XXYLT1: variants seen among roughly 807,000 people sequenced by gnomAD.
The protein encoded by XXYLT1 is UDP-xylose:alpha-xyloside alpha-1,3-xylosyltransferase.
A neutral mutation model predicts 28.9 loss-of-function variants in XXYLT1; 20 were observed. That is an observed-to-expected ratio of 0.69 (90% CI 0.49 to 1.00). XXYLT1 has a LOEUF of 1.00. XXYLT1 is among the 50% of genes least tolerant of loss of function. XXYLT1 has a pLI of 0.00. For missense variants in XXYLT1, 542 were observed against 560.1 expected (o/e 0.97, Z 0.33); for synonymous variants, 257 against 253.8 (o/e 1.01, Z -0.12).
chr3:195,133,215 C>G lies in XXYLT1; in HGVS notation c.785+23234G>C, dbSNP rs552229758. Reference sequence around the variant, plus strand: ...GCTGAAGCCCCAGGTGCCCCGCCTGCTGAGCAGACAGATGGCTGCAAGTCC... The same window carrying G: ...GCTGAAGCCCCAGGTGCCCCGCCTGGTGAGCAGACAGATGGCTGCAAGTCC... On this transcript the variant is annotated intron_variant, in intron 3 of 3. Transcript: ENST00000310380. This position sits in a 1 kb window ranked among gnomAD's most constrained non-coding sequence, Gnocchi z 4.4. Among the ~76,000 whole-genome samples, 117 of 152,266 alleles carry G rather than the reference C, an allele frequency of 7.7e-4. No individual in the cohort carries two copies. The highest frequency in any genetic ancestry group is 1.5e-3 in the Admixed American group (23 of 15,300).
At chr3:195,138,629 G>A (rs562479906) in intron 3 of XXYLT1, among the ~76,000 whole-genome samples, 2 of 152,212 alleles carry the variant, frequency 1.3e-5, no homozygotes, top group South Asian at 4.2e-4. Flanking sequence ...AGGCCGAGGC[G>A]GGTGGGTCAC....
intron 1 of XXYLT1, among the ~76,000 whole-genome samples, chr3:195,244,513 G>C (rs958582104): frequency 6.6e-6 from 1 of 151,948 alleles, no homozygotes; most frequent in Non-Finnish European, 1.5e-5. Flanking sequence ...TGTAATCCCA[G>C]CACTTTGGGA....
intron 2 of XXYLT1, among the ~76,000 whole-genome samples, chr3:195,187,498 G>A (rs1283987118): frequency 1.3e-5 from 2 of 152,096 alleles, no homozygotes; most frequent in African/African-American, 2.4e-5. Context: ...AGTGCTATGA[G>A]GAGCCCTAAG....
chr3:195,218,605 C>G (rs1252494916), intron 2 of XXYLT1, among the ~76,000 whole-genome samples: 1 of 152,090 alleles, frequency 6.6e-6, no homozygotes, highest in African/African-American at 2.4e-5. Context: ...CAAATCAAAA[C>G]CACAATGAGA....
rs1165297964 is a variant in XXYLT1, at chr3:195,176,745, G to A, written c.653-20164C>T. ...GACTCTAAACATGCAAAAGGCAGAT[G>A]TTTGGGGTTGGAATTGACAATATGA... On this transcript the variant is annotated intron_variant, in intron 2 of 3. Transcript: ENST00000310380. The surrounding 1 kb of genome is among the most constrained non-coding windows in gnomAD (Gnocchi z 4.9). Among the ~76,000 whole-genome samples, 2 of 152,204 alleles carry A rather than the reference G, an allele frequency of 1.3e-5. No homozygotes were observed. The highest frequency in any genetic ancestry group is 2.9e-5 in the Non-Finnish European group (2 of 68,040).
chr3:195,089,311 G>T (rs1481245786), intron 3 of XXYLT1, among the ~76,000 whole-genome samples: 2 of 152,206 alleles, frequency 1.3e-5, no homozygotes, highest in African/African-American at 2.4e-5. Context: ...AAGCCCATCA[G>T]ACTAACAGTG....
intron 2 of XXYLT1, among the ~76,000 whole-genome samples, chr3:195,186,625 C>T (rs1284178569): frequency 6.6e-6 from 1 of 152,116 alleles, no homozygotes; most frequent in East Asian, 1.9e-4. Flanking sequence ...TCCCCCCCCA[C>T]ACACCCTGAA....
intron 1 of XXYLT1, 129 bp from the exon 2 acceptor site, chr3:195,226,985 T>C: frequency 1.7e-6 from 2 of 1,152,064 alleles, no homozygotes; most frequent in Non-Finnish European, 2.4e-6. Context: ...AAGCAGGGGA[T>C]GGGGCTAGGG....
chr3:195,175,465 C>A (rs1721615780), intron 2 of XXYLT1, among the ~76,000 whole-genome samples: 3 of 152,166 alleles, frequency 2.0e-5, no homozygotes, highest in Admixed American at 6.5e-5. Flanking sequence ...TCGGAAAGGG[C>A]ACATTTGGGG....
At chr3:195,166,607 T>C (rs966075126) in intron 2 of XXYLT1, among the ~76,000 whole-genome samples, 2 of 152,200 alleles carry the variant, frequency 1.3e-5, no homozygotes, top group Non-Finnish European at 2.9e-5. Flanking sequence ...ACGTGTTCTA[T>C]CTGAAATGAT....
At chr3:195,171,818 G>A (rs1452145565) in intron 2 of XXYLT1, among the ~76,000 whole-genome samples, 1 of 152,196 alleles carries the variant, frequency 6.6e-6, no homozygotes, top group Non-Finnish European at 1.5e-5. Context: ...GGTTGCCTCT[G>A]TGCAATTCAT....
chr3:195,249,882 G>A (rs1191365769), intron 1 of XXYLT1, among the ~76,000 whole-genome samples: 1 of 152,090 alleles, frequency 6.6e-6, no homozygotes, highest in African/African-American at 2.4e-5. Context: ...CTTTCCTGAT[G>A]GATCCAGAAT....
At chr3:195,165,466 G>A (rs1301429041) in intron 2 of XXYLT1, among the ~76,000 whole-genome samples, 1 of 152,144 alleles carries the variant, frequency 6.6e-6, no homozygotes, top group Non-Finnish European at 1.5e-5. Flanking sequence ...ATGGAGGGGT[G>A]TGGAAAGAAT....
chr3:195,070,473 G>T (rs148081437), intron 3 of XXYLT1, among the ~76,000 whole-genome samples: 40 of 152,182 alleles, frequency 2.6e-4, no homozygotes, highest in African/African-American at 9.2e-4. Flanking sequence ...GCACAGAGAG[G>T]TCAAGGTATT....
Position 195,135,423 on chromosome 3 carries a change from G to A in XXYLT1, c.785+21026C>T, listed in dbSNP as rs536752172. 5.3e-5 allele frequency among the ~76,000 whole-genome samples: 8 copies of A among 152,316 alleles called. No homozygotes were observed. In the East Asian group the frequency reaches 1.5e-3, roughly 29 times the overall value. On this transcript the variant is annotated intron_variant, in intron 3 of 3. Coordinates refer to ENST00000310380, the MANE Select transcript of XXYLT1 (RefSeq NM_152531.5). The stretch of plus-strand genomic sequence containing the variant: ...AAAAAAGAGTCAGTCAGCAGGGGCA[G>A]GGAGGTTTGTTCAGCATTTCAGTGA...
intron 3 of XXYLT1, among the ~76,000 whole-genome samples, chr3:195,134,866 T>TGTGTGC (rs1381881729): frequency 2.8e-4 from 26 of 93,576 alleles, no homozygotes; most frequent in African/African-American, 1.1e-3. Context: ...TGTGTGTGTG[T>TGTGTGC]GTGCGTGTGC....
chr3:195,242,435 T>C (rs1251719263), intron 1 of XXYLT1, among the ~76,000 whole-genome samples: 1 of 152,170 alleles, frequency 6.6e-6, no homozygotes, highest in Non-Finnish European at 1.5e-5. Flanking sequence ...ACGACTTTGA[T>C]GACTGGAGCA....
intron 1 of XXYLT1, among the ~76,000 whole-genome samples, chr3:195,233,584 CAAATT>C (rs1256667117): frequency 2.0e-5 from 3 of 152,046 alleles, no homozygotes; most frequent in African/African-American, 7.2e-5. Flanking sequence ...AAACTGATGA[CAAATT>C]AACACTGATT....
rs578128697 is a variant in XXYLT1, at chr3:195,259,681, G to GCCAGCGCCAGGGACAGAC, written c.504+10856_504+10873dup. The GCCAGCGCCAGGGACAGAC allele has an allele frequency of 7.5e-4, 739 of 985,388 alleles. 3 individuals carry two copies. Among genetic ancestry groups the GCCAGCGCCAGGGACAGAC allele is most frequent in the African/African-American group, 6.4e-3 (370 of 57,374 alleles). 61.0% of individuals were successfully genotyped at this position (985,388 alleles called of 1,614,324 possible). A position where few individuals can be genotyped will look rare whatever the true frequency, so the allele number is the denominator to read the frequency against. ...CGCAATTAAGGACGCCGGGCTCCAG[G>GCCAGCGCCAGGGACAGAC]CCAGCGCCAGGGACAGACCCAGCAC... On this transcript the variant is annotated intron_variant, in intron 1 of 3. Transcript: ENST00000310380.
Sources: allele counts gnomAD v4.1 joint callset (sites outside exome capture counted in the v4.1 genomes callset), GRCh38; gene constraint gnomAD v4.1.1; non-coding constraint Gnocchi (gnomAD v3.1); transcripts MANE v1.5; gene names NCBI Gene and HGNC (gene_info 2026-07-23, HGNC 2026-07-21).